The following CAGE1 variants were observed in gnomAD, a reference collection of about 807,000 sequenced individuals.
CAGE1 encodes the protein cancer-associated gene 1 protein.
Under a neutral mutation model 94.9 loss-of-function variants are expected in CAGE1, and 66 were observed. That is an observed-to-expected ratio of 0.70 (90% CI 0.57 to 0.85). The LOEUF is 0.85. Ranked by LOEUF, CAGE1 falls within the 40% of genes least tolerant of loss-of-function variation. The probability of loss-of-function intolerance (pLI) is 0.00; values close to 1 mark genes in which losing one functional copy is unlikely to be tolerated. For synonymous variants in CAGE1, 319 were observed against 321.0 expected (o/e 0.99, Z 0.07); for missense variants, 865 against 950.4 (o/e 0.91, Z 1.18).
At chr6:7,366,723 CT>C (rs1398348063) in intron 7 of CAGE1, among the ~76,000 whole-genome samples, 12 of 151,736 alleles carry the variant, frequency 7.9e-5, no homozygotes, top group Admixed American at 7.9e-4. Context: ...GACGATGCCC[CT>C]GTGCCTTTCC....
intron 11 of CAGE1, among the ~76,000 whole-genome samples, chr6:7,349,847 G>A (rs910495189): frequency 4.6e-5 from 7 of 151,228 alleles, no homozygotes; most frequent in Non-Finnish European, 1.0e-4. Context: ...CAGGAGAATC[G>A]CTTGAGCCCA....
At chr6:7,361,225 C>T (rs1354589655) in intron 9 of CAGE1, among the ~76,000 whole-genome samples, 3 of 152,148 alleles carry the variant, frequency 2.0e-5, no homozygotes, top group Non-Finnish European at 4.4e-5. Context: ...AGGAAGTTCT[C>T]ATCCAAGTGA....
intron 1 of CAGE1, among the ~76,000 whole-genome samples, chr6:7,387,863 C>CAAAA (rs70978962): frequency 4.2e-4 from 46 of 108,930 alleles, no homozygotes; most frequent in African/African-American, 1.5e-3. Flanking sequence ...ACTAAAAATA[C>CAAAA]AAAAAAAAAA....
chr6:7,334,195 A>G, intron 11 of CAGE1, 105 bp from the exon 12 acceptor site: 1 of 640,526 alleles, frequency 1.6e-6, no homozygotes, highest in South Asian at 1.9e-5. Context: ...AGGTAATCTA[A>G]TTATCTATAT....
At chr6:7,358,405 T>C (rs1196427176) in intron 9 of CAGE1, among the ~76,000 whole-genome samples, 1 of 152,164 alleles carries the variant, frequency 6.6e-6, no homozygotes, top group Non-Finnish European at 1.5e-5. Context: ...TTTCATTGAA[T>C]GAATATATAC....
chr6:7,332,337 G>A (rs1041221153), intron 12 of CAGE1, among the ~76,000 whole-genome samples: 34 of 152,224 alleles, frequency 2.2e-4, no homozygotes, highest in Middle Eastern at 6.8e-3. Flanking sequence ...GGACCTACGC[G>A]GAGGCATTTC....
At chr6:7,328,846 C>T (rs75905314) in intron 13 of CAGE1, among the ~76,000 whole-genome samples, 2,651 of 146,946 alleles carry the variant, frequency 0.018, 36 homozygotes, top group East Asian at 0.056. Context: ...TGTGCACATG[C>T]ATGGAAGTAC....
intron 11 of CAGE1, among the ~76,000 whole-genome samples, chr6:7,340,099 G>A (rs543122989): frequency 3.3e-5 from 5 of 152,028 alleles, no homozygotes; most frequent in African/African-American, 9.7e-5. Context: ...TTGATTTTTT[G>A]ATTATGGTCA....
intron 9 of CAGE1, among the ~76,000 whole-genome samples, chr6:7,360,725 C>T (rs988492678): frequency 6.6e-6 from 1 of 152,100 alleles, no homozygotes; most frequent in South Asian, 2.1e-4. Context: ...GGGTGAATCA[C>T]CTGAGGTCAG....
chr6:7,382,858 C>T (rs1201313545), intron 3 of CAGE1, among the ~76,000 whole-genome samples: 1 of 151,942 alleles, frequency 6.6e-6, no homozygotes, highest in Non-Finnish European at 1.5e-5. Context: ...TGCAGTGAGC[C>T]GAGATCGCTC....
intron 11 of CAGE1, among the ~76,000 whole-genome samples, chr6:7,351,929 T>C (rs934823067): frequency 6.6e-6 from 1 of 152,054 alleles, no homozygotes; most frequent in African/African-American, 2.4e-5. Context: ...AACATAATAC[T>C]GAAATGGGGA....
At chr6:7,367,277 GA>G (rs1424873319) in intron 7 of CAGE1, among the ~76,000 whole-genome samples, 1 of 78,176 alleles carries the variant, frequency 1.3e-5, no homozygotes, top group Non-Finnish European at 2.5e-5. Context: ...ATATTTGGGG[GA>G]TTTTTTTTTT....
At chr6:7,335,495 A>G (rs538205317) in intron 11 of CAGE1, among the ~76,000 whole-genome samples, 14 of 152,362 alleles carry the variant, frequency 9.2e-5, no homozygotes, top group African/African-American at 3.4e-4. Context: ...CCCTGCCTAA[A>G]AGAAGTTGCT....
chr6:7,375,269 C>T (rs1172958812), intron 4 of CAGE1, among the ~76,000 whole-genome samples: 1 of 151,586 alleles, frequency 6.6e-6, no homozygotes, highest in African/African-American at 2.4e-5. Context: ...ATTAGCTGCG[C>T]GTGGCGGTGT....
At chr6:7,384,424 TA>T (rs1343971314) in intron 3 of CAGE1, among the ~76,000 whole-genome samples, 1 of 152,208 alleles carries the variant, frequency 6.6e-6, no homozygotes, top group Admixed American at 6.5e-5. Flanking sequence ...TTGCAAGTAT[TA>T]AAAATAAAGA....
chr6:7,330,865 C>A (rs367846693), intron 12 of CAGE1, among the ~76,000 whole-genome samples: 1 of 152,058 alleles, frequency 6.6e-6, no homozygotes, highest in African/African-American at 2.4e-5. Context: ...TGAAAATAGG[C>A]CAAATATAAG....
At chr6:7,345,484 C>T (rs1048958531) in intron 11 of CAGE1, among the ~76,000 whole-genome samples, 4 of 152,214 alleles carry the variant, frequency 2.6e-5, no homozygotes, top group East Asian at 1.9e-4. Flanking sequence ...CACAAAATGG[C>T]ATACTCACAT....
intron 9 of CAGE1, among the ~76,000 whole-genome samples, chr6:7,358,065 T>TATATATATATATATATACATAC (rs1257084432): frequency 8.8e-6 from 1 of 114,094 alleles, no homozygotes; most frequent in African/African-American, 3.7e-5. Flanking sequence ...TATATATATA[T>TATATATATATATATATACATAC]ATATATGCCT....
intron 12 of CAGE1, chr6:7,331,417 T>A: frequency 1.6e-6 from 1 of 637,534 alleles, no homozygotes; most frequent in South Asian, 2.4e-5. Flanking sequence ...TAACCAATGA[T>A]AAGGCTACCA....
Sources: gnomAD v4.1 joint callset for allele counts (sites outside exome capture counted in the v4.1 genomes callset) on GRCh38, gnomAD v4.1.1 for gene constraint, MANE v1.5 for transcripts, NCBI Gene and HGNC (gene_info 2026-07-23, HGNC 2026-07-21) for gene names.